CNTLN: variants seen among roughly 807,000 people sequenced by gnomAD.
CNTLN encodes centlein, centrosomal protein.
In CNTLN, 212 loss-of-function variants were observed where a neutral mutation model predicts 180.0. The ratio of observed to expected loss-of-function variants is 1.18; its 90% confidence interval spans 1.05 to 1.32. The LOEUF (loss-of-function observed/expected upper bound fraction) is 1.32. Among genes scored for constraint, CNTLN ranks in the 40% most tolerant of loss-of-function variants. The pLI, the probability that CNTLN is intolerant of heterozygous loss-of-function variation, is 0.00. For synonymous variants in CNTLN, 722 were observed against 563.1 expected, an observed-to-expected ratio of 1.28 and a Z score of -3.99; for missense variants, 2,095 against 1,610.9, an observed-to-expected ratio of 1.30 and a Z score of -5.14.
intron 5 of CNTLN, among the ~76,000 whole-genome samples, chr9:17,260,373 G>C (rs937785345): frequency 6.6e-6 from 1 of 151,226 alleles, no homozygotes; most frequent in African/African-American, 2.5e-5. Flanking sequence ...TTTTACATTT[G>C]CTGAGGAGAG....
chr9:17,460,303 C>G (rs978094409), intron 19 of CNTLN, among the ~76,000 whole-genome samples: 1 of 151,608 alleles, frequency 6.6e-6, no homozygotes, highest in Non-Finnish European at 1.5e-5. Flanking sequence ...AAAAAATATT[C>G]AATAAACTTA....
chr9:17,337,240 T>A (rs940999829), intron 10 of CNTLN, among the ~76,000 whole-genome samples: 5 of 152,096 alleles, frequency 3.3e-5, no homozygotes, highest in African/African-American at 1.2e-4. Flanking sequence ...TTGCAAAAAA[T>A]TTTTTCCATT....
At chr9:17,174,664 C>G (rs1318199464) in intron 2 of CNTLN, among the ~76,000 whole-genome samples, 1 of 151,116 alleles carries the variant, frequency 6.6e-6, no homozygotes, top group African/African-American at 2.4e-5. Flanking sequence ...CCACTGCACT[C>G]CAGCCTGGGC....
At chr9:17,268,535 C>T (rs541826335) in intron 5 of CNTLN, among the ~76,000 whole-genome samples, 2 of 152,284 alleles carry the variant, frequency 1.3e-5, no homozygotes, top group Middle Eastern at 3.4e-3. Flanking sequence ...TCTCTAGCCG[C>T]GTGCTGCGAG....
intron 25 of CNTLN, among the ~76,000 whole-genome samples, chr9:17,495,323 C>T (rs899507151): frequency 5.3e-5 from 8 of 151,836 alleles, no homozygotes; most frequent in East Asian, 3.9e-4. Flanking sequence ...GTGACAGCTC[C>T]GTTTGTGTTA....
In CNTLN at chr9:17,288,659, C is replaced by T. The variant is rs558176359; in HGVS notation, c.984-9531C>T. ...TGGGAGTCTAAGTCTCTTTGTAGGT[C>T]ACTCAGGACTTGCTTTATGAATCTG... On this transcript the variant is annotated intron_variant, in intron 6 of 25. Coordinates refer to ENST00000380647, the MANE Select transcript of CNTLN (RefSeq NM_017738.4). Among the ~76,000 whole-genome samples the T allele has an allele frequency of 1.7e-4, 23 of 136,054 alleles. 2 individuals are homozygous for T. In the South Asian group the frequency reaches 5.0e-3, roughly 29 times the overall value. 89.3% of individuals were successfully genotyped at this position (136,054 alleles called of 152,430 possible).
intron 8 of CNTLN, among the ~76,000 whole-genome samples, chr9:17,328,022 C>G (rs1340552543): frequency 6.6e-6 from 1 of 151,888 alleles, no homozygotes; most frequent in African/African-American, 2.4e-5. Flanking sequence ...CAGGTAAGTA[C>G]AAAGAAAATA....
At chr9:17,315,960 C>G (rs952073911) in intron 8 of CNTLN, among the ~76,000 whole-genome samples, 5 of 47,802 alleles carry the variant, frequency 1.0e-4, no homozygotes, top group African/African-American at 2.6e-4. Flanking sequence ...CCTTTCTGTT[C>G]TATTCTGTTT....
At chr9:17,433,760 T>C (rs555492396) in intron 18 of CNTLN, among the ~76,000 whole-genome samples, 40 of 152,144 alleles carry the variant, frequency 2.6e-4, no homozygotes, top group Admixed American at 1.1e-3. Flanking sequence ...AAAAAATTTT[T>C]TGTAGAGATG....
chr9:17,348,817 A>G (rs1822133417), intron 12 of CNTLN, among the ~76,000 whole-genome samples: 1 of 152,126 alleles, frequency 6.6e-6, no homozygotes, highest in African/African-American at 2.4e-5. Context: ...GGTGTGAGCC[A>G]CCGTGCCTGG....
the CNTLN span, among the ~76,000 whole-genome samples, chr9:17,511,646 T>A: frequency 4.5e-4 from 28 of 62,050 alleles, no homozygotes; most frequent in East Asian, 3.4e-3. Flanking sequence ...TCTCTCTCTC[T>A]CTCACACACA....
chr9:17,241,953 CT>C (rs1433578103), intron 5 of CNTLN, among the ~76,000 whole-genome samples: 8 of 152,056 alleles, frequency 5.3e-5, no homozygotes, highest in African/African-American at 1.9e-4. Context: ...TTTTGGTGGA[CT>C]CTTCAGGTTT....
At chr9:17,149,580 C>G (rs1220006479) in intron 2 of CNTLN, among the ~76,000 whole-genome samples, 1 of 140,826 alleles carries the variant, frequency 7.1e-6, no homozygotes. Flanking sequence ...TGCAGTGGCT[C>G]GATCTCAGCT....
At chr9:17,281,995 G>C (rs534281650) in intron 6 of CNTLN, among the ~76,000 whole-genome samples, 1 of 152,090 alleles carries the variant, frequency 6.6e-6, no homozygotes, top group Non-Finnish European at 1.5e-5. Flanking sequence ...ACGAAGTCTC[G>C]CTCTGTTGCC....
intron 18 of CNTLN, among the ~76,000 whole-genome samples, chr9:17,421,091 A>C (rs1341148975): frequency 6.6e-6 from 1 of 152,154 alleles, no homozygotes; most frequent in Non-Finnish European, 1.5e-5. Flanking sequence ...TTTATAATGT[A>C]GATTAAGTCT....
intron 8 of CNTLN, among the ~76,000 whole-genome samples, chr9:17,314,765 C>G (rs1306930351): frequency 1.3e-5 from 2 of 152,164 alleles, no homozygotes; most frequent in Non-Finnish European, 2.9e-5. Context: ...TTTGATCATT[C>G]TCTGTTACCT....
chr9:17,409,012 C>T (rs1257143391), intron 15 of CNTLN, among the ~76,000 whole-genome samples: 1 of 152,106 alleles, frequency 6.6e-6, no homozygotes, highest in Non-Finnish European at 1.5e-5. Flanking sequence ...GGAAGTGTTA[C>T]AACAATTGCT....
At chr9:17,308,939 T>A in intron 7 of CNTLN, 119 bp from the exon 8 acceptor site, 2 of 487,210 alleles carry the variant, frequency 4.1e-6, no homozygotes, top group Non-Finnish European at 6.7e-6. Context: ...TAAAATAACC[T>A]GAGGGCAAGA....
intron 10 of CNTLN, among the ~76,000 whole-genome samples, chr9:17,333,060 A>T (rs1377316050): frequency 4.6e-5 from 7 of 152,132 alleles, no homozygotes; most frequent in African/African-American, 1.7e-4. Context: ...CTTCTTCTTT[A>T]TATATGATAA....
Sources: gnomAD v4.1 joint callset for allele counts (sites outside exome capture counted in the v4.1 genomes callset) on GRCh38, gnomAD v4.1.1 for gene constraint, MANE v1.5 for transcripts, NCBI Gene and HGNC (gene_info 2026-07-23, HGNC 2026-07-21) for gene names.